The following DKK2 variants were observed in gnomAD, a reference collection of about 807,000 sequenced individuals.
DKK2 encodes dickkopf-related protein 2.
Under a neutral mutation model 28.1 loss-of-function variants are expected in DKK2, and 11 were observed. The observed-to-expected ratio is 0.39, with a 90% confidence interval of 0.25 to 0.65. The LOEUF (loss-of-function observed/expected upper bound fraction) is 0.65. Ranked by LOEUF, DKK2 falls within the 30% of genes least tolerant of loss-of-function variation. The pLI, the probability that DKK2 is intolerant of heterozygous loss-of-function variation, is 0.47. For synonymous variants in DKK2, 135 were observed against 126.5 expected, an observed-to-expected ratio of 1.07 and a Z score of -0.45; for missense variants, 326 against 335.5, an observed-to-expected ratio of 0.97 and a Z score of 0.22.
chr4:106,972,421 T>TAAA (rs71590172), intron 1 of DKK2, among the ~76,000 whole-genome samples: 2 of 138,150 alleles, frequency 1.4e-5, no homozygotes, highest in Non-Finnish European at 1.6e-5. Flanking sequence ...AATGAAAATC[T>TAAA]AAAAAAAAAA....
intron 1 of DKK2, among the ~76,000 whole-genome samples, chr4:106,965,640 A>G (rs1290466871): frequency 6.6e-6 from 1 of 151,148 alleles, no homozygotes; most frequent in Non-Finnish European, 1.5e-5. Context: ...ACATGTGCAC[A>G]TTGTGCAGGT....
chr4:106,995,417 T>C (rs562301710), intron 1 of DKK2, among the ~76,000 whole-genome samples: 46 of 152,336 alleles, frequency 3.0e-4, no homozygotes, highest in African/African-American at 7.9e-4. Context: ...AAAGTCTCAA[T>C]GTTCTGTTGT....
chr4:107,029,691 T>G (rs181418974), intron 1 of DKK2, among the ~76,000 whole-genome samples: 1 of 152,216 alleles, frequency 6.6e-6, no homozygotes, highest in Non-Finnish European at 1.5e-5. Context: ...TTGGGAAAGG[T>G]TTGGACAGAA....
At chr4:107,022,943 G>A (rs1286749424) in intron 1 of DKK2, among the ~76,000 whole-genome samples, 1 of 152,036 alleles carries the variant, frequency 6.6e-6, no homozygotes, top group Non-Finnish European at 1.5e-5. Flanking sequence ...ATACAAGGGG[G>A]GAAGCAAGTT....
intron 1 of DKK2, among the ~76,000 whole-genome samples, chr4:106,929,496 A>C (rs1724471283): frequency 6.6e-6 from 1 of 152,194 alleles, no homozygotes; most frequent in African/African-American, 2.4e-5. Context: ...TAATTAGGAG[A>C]TGAATTAATT....
chr4:106,938,346 C>G (rs541172656), intron 1 of DKK2, among the ~76,000 whole-genome samples: 14 of 151,958 alleles, frequency 9.2e-5, no homozygotes, highest in Non-Finnish European at 1.8e-4. Context: ...AACACCTCTG[C>G]GCAAATAAAC....
chr4:107,010,344 T>A (rs749678165), intron 1 of DKK2, among the ~76,000 whole-genome samples: 1 of 151,754 alleles, frequency 6.6e-6, no homozygotes, highest in Non-Finnish European at 1.5e-5. Flanking sequence ...TAGATAATAA[T>A]TCTATTCCTA....
At chr4:106,975,842 T>C (rs764698188) in intron 1 of DKK2, among the ~76,000 whole-genome samples, 1 of 152,218 alleles carries the variant, frequency 6.6e-6, no homozygotes, top group African/African-American at 2.4e-5. Context: ...AGGGTGCTGA[T>C]TTTAGATCTT....
At chr4:107,032,392 G>T (rs923921380) in intron 1 of DKK2, among the ~76,000 whole-genome samples, 4 of 151,948 alleles carry the variant, frequency 2.6e-5, no homozygotes, top group Non-Finnish European at 4.4e-5. Context: ...AATCCACCTT[G>T]CCTATGGAAC....
At chr4:106,925,340 G>A (rs574202400) in intron 2 of DKK2, among the ~76,000 whole-genome samples, 1 of 152,166 alleles carries the variant, frequency 6.6e-6, no homozygotes, top group African/African-American at 2.4e-5. Context: ...ATTGGATGAA[G>A]CCAGGTTGGG....
At chr4:106,956,241 A>G (rs1722588188) in intron 1 of DKK2, among the ~76,000 whole-genome samples, 2 of 152,214 alleles carry the variant, frequency 1.3e-5, no homozygotes, top group Admixed American at 6.6e-5. Flanking sequence ...CCACTGCTCA[A>G]TGAAATAAAA....
At position 107,027,030 on chromosome 4, in the gene DKK2, G is replaced by A. The variant is rs373406946; in HGVS notation, c.222+8340C>T. On this transcript the variant is annotated intron_variant, in intron 1 of 3. Transcript: ENST00000285311. ...GAGAAATAAGTGAAGAAAATAAAGA[G>A]GAATGAACCAGAGAAAAAAACAGAA... Among the ~76,000 whole-genome samples the A allele has an allele frequency of 5.9e-5, 9 of 152,082 alleles. 1 individual carries two copies. The highest frequency in any genetic ancestry group is 5.9e-4 in the Admixed American group (9 of 15,282).
chr4:107,023,391 T>A (rs910905485), intron 1 of DKK2, among the ~76,000 whole-genome samples: 2 of 151,992 alleles, frequency 1.3e-5, no homozygotes, highest in African/African-American at 4.8e-5. Context: ...CAATCTGAAA[T>A]GGCTACATAT....
intron 1 of DKK2, among the ~76,000 whole-genome samples, chr4:107,002,460 A>G (rs569121776): frequency 3.3e-5 from 5 of 152,132 alleles, no homozygotes; most frequent in Non-Finnish European, 5.9e-5. Context: ...AGTGTTTGTC[A>G]TTTGGGTTCT....
intron 1 of DKK2, among the ~76,000 whole-genome samples, chr4:107,025,449 CT>C (rs1320278178): frequency 2.6e-5 from 4 of 152,088 alleles, no homozygotes; most frequent in African/African-American, 9.7e-5. Flanking sequence ...ATTTTTGAAA[CT>C]TTTTTTAGGA....
intron 1 of DKK2, among the ~76,000 whole-genome samples, chr4:107,005,087 A>G (rs1451204082): frequency 1.3e-5 from 2 of 152,140 alleles, no homozygotes; most frequent in African/African-American, 4.8e-5. Context: ...TCACGTCTGT[A>G]ATCCCAGCAC....
intron 1 of DKK2, among the ~76,000 whole-genome samples, chr4:107,022,808 G>T (rs75298772): frequency 0.034 from 5,184 of 152,102 alleles, 120 homozygotes; most frequent in Middle Eastern, 0.088. Flanking sequence ...TTAATATTAG[G>T]GAAGAAGTAG....
chr4:107,007,502 T>C (rs1723454582), intron 1 of DKK2, among the ~76,000 whole-genome samples: 1 of 152,172 alleles, frequency 6.6e-6, no homozygotes, highest in Non-Finnish European at 1.5e-5. Flanking sequence ...ATAAAAACAC[T>C]ACAAAATAAG....
At chr4:106,950,724 A>G (rs1724846452) in intron 1 of DKK2, among the ~76,000 whole-genome samples, 1 of 152,164 alleles carries the variant, frequency 6.6e-6, no homozygotes, top group Non-Finnish European at 1.5e-5. Context: ...TATTTCTTGT[A>G]AAAGTTTACC....
Sources: allele counts gnomAD v4.1 joint callset (sites outside exome capture counted in the v4.1 genomes callset), GRCh38; gene constraint gnomAD v4.1.1; transcripts MANE v1.5; gene names NCBI Gene and HGNC (gene_info 2026-07-23, HGNC 2026-07-21).